ADRA1B: variants seen among roughly 807,000 people sequenced by gnomAD.
ADRA1B encodes adrenoceptor alpha 1B, also known as alpha-1B adrenergic receptor.
In ADRA1B, 17 loss-of-function variants were observed where a neutral mutation model predicts 17.9. The observed-to-expected ratio is 0.95, with a 90% CI of 0.65 to 1.42. The LOEUF is 1.42. ADRA1B is among the 40% of genes most tolerant of loss of function. The probability of loss-of-function intolerance (pLI) is 0.00; values close to 1 mark genes in which losing one functional copy is unlikely to be tolerated. For synonymous variants in ADRA1B, 366 were observed against 327.6 expected (o/e 1.12, Z -1.27); for missense variants, 681 against 722.1 (o/e 0.94, Z 0.65).
intron 1 of ADRA1B, among the ~76,000 whole-genome samples, chr5:159,895,877 G>T (rs1226034705): frequency 6.6e-6 from 1 of 152,232 alleles, no homozygotes; most frequent in Non-Finnish European, 1.5e-5. Context: ...AGCACTTTGG[G>T]ATGCCAAGGT....
chr5:159,897,924 G>A (rs1489266681), intron 1 of ADRA1B, among the ~76,000 whole-genome samples: 1 of 152,236 alleles, frequency 6.6e-6, no homozygotes, highest in African/African-American at 2.4e-5. Context: ...GAACAGAAAT[G>A]TTCCTGCCAG....
chr5:159,958,756 G>A (rs1230169305), intron 1 of ADRA1B, among the ~76,000 whole-genome samples: 1 of 152,218 alleles, frequency 6.6e-6, no homozygotes, highest in African/African-American at 2.4e-5. Context: ...AGCAATCTAT[G>A]TATCTTCACT....
intron 1 of ADRA1B, among the ~76,000 whole-genome samples, chr5:159,939,172 A>G (rs975630942): frequency 1.8e-4 from 28 of 151,688 alleles, no homozygotes; most frequent in Non-Finnish European, 2.9e-4. Context: ...ATAAACATAG[A>G]ACTCAGAGCT....
At chr5:159,952,747 T>C (rs1410444054) in intron 1 of ADRA1B, among the ~76,000 whole-genome samples, 1 of 152,242 alleles carries the variant, frequency 6.6e-6, no homozygotes, top group Non-Finnish European at 1.5e-5. Flanking sequence ...CTACTCTTAT[T>C]GTCATTGTTA....
At chr5:159,873,213 G>A (rs1355550259) in intron 1 of ADRA1B, among the ~76,000 whole-genome samples, 3 of 152,148 alleles carry the variant, frequency 2.0e-5, no homozygotes, top group Non-Finnish European at 2.9e-5. Flanking sequence ...CCTTGGTATT[G>A]TAAATAGTGC....
intron 1 of ADRA1B, among the ~76,000 whole-genome samples, chr5:159,907,255 A>G (rs1754172312): frequency 6.6e-6 from 1 of 152,020 alleles, no homozygotes; most frequent in South Asian, 2.1e-4. Flanking sequence ...TTGATCTCCA[A>G]CCTCACTGTG....
intron 1 of ADRA1B, among the ~76,000 whole-genome samples, chr5:159,921,974 A>T (rs893611691): frequency 1.3e-5 from 2 of 152,250 alleles, no homozygotes; most frequent in African/African-American, 4.8e-5. Context: ...GCAAGGGGGA[A>T]GTTTTTACAC....
At position 159,972,281 on chromosome 5, in the gene ADRA1B, G is replaced by T; in HGVS notation, c.1352G>T (p.Gly451Val). 7.3e-7 allele frequency: 1 copy of T among 1,372,718 alleles called. No homozygotes were observed. 85.0% of individuals were successfully genotyped at this position (1,372,718 alleles called of 1,614,324 possible). A position where few individuals can be genotyped will look rare whatever the true frequency, so the allele number is the denominator to read the frequency against. ...LCAFPEWKAP[G>V]ALLSLPAPEP... is the part of the protein sequence containing the mutation. ...GCCTTCCCCGAGTGGAAGGCGCCCGGCGCCCTCCTGAGCCTGCCCGCGCCT... is the reference window on the plus strand; with the variant it reads ...GCCTTCCCCGAGTGGAAGGCGCCCGTCGCCCTCCTGAGCCTGCCCGCGCCT... The change falls in exon 2 of 2, where the codon GGC (glycine) becomes GTC (valine). Residue 451 changes from glycine to valine, a missense_variant. Gly to Val is a moderately radical substitution (Grantham distance 109, BLOSUM62 -3). Transcript: ENST00000306675.
intron 1 of ADRA1B, chr5:159,947,699 G>A: frequency 1.0e-6 from 1 of 985,344 alleles, no homozygotes; most frequent in Non-Finnish European, 1.2e-6. Flanking sequence ...GAAAGCAAAG[G>A]CTCTTTAAGC....
intron 1 of ADRA1B, among the ~76,000 whole-genome samples, chr5:159,941,229 C>T (rs1328190190): frequency 2.6e-5 from 4 of 152,202 alleles, no homozygotes; most frequent in Non-Finnish European, 1.5e-5. Context: ...AAGTGTTAAA[C>T]AGCTACGTGT....
At chr5:159,889,719 G>T (rs185133107) in intron 1 of ADRA1B, among the ~76,000 whole-genome samples, 2 of 152,290 alleles carry the variant, frequency 1.3e-5, no homozygotes, top group African/African-American at 4.8e-5. Flanking sequence ...TACTAAACAG[G>T]TTCTGTCATG....
chr5:159,944,643 G>A (rs1755220221), intron 1 of ADRA1B, among the ~76,000 whole-genome samples: 1 of 152,088 alleles, frequency 6.6e-6, no homozygotes, highest in African/African-American at 2.4e-5. Context: ...TTTACCATGT[G>A]CCAGGCACTG....
chr5:159,971,741 A>G, intron 1 of ADRA1B, 138 bp from the exon 2 acceptor site: 1 of 855,810 alleles, frequency 1.2e-6, no homozygotes, highest in Non-Finnish European at 1.6e-6. Context: ...TTCCGGGCAG[A>G]GGAACCGGCT....
intron 1 of ADRA1B, among the ~76,000 whole-genome samples, chr5:159,871,607 G>T (rs1363098957): frequency 1.3e-5 from 2 of 151,654 alleles, no homozygotes; most frequent in South Asian, 4.2e-4. Context: ...TGAGCTTAGG[G>T]CCCACCCTAA....
intron 1 of ADRA1B, among the ~76,000 whole-genome samples, chr5:159,946,036 C>A (rs55730478): frequency 1.3e-5 from 2 of 152,188 alleles, no homozygotes; most frequent in South Asian, 4.2e-4. Context: ...CGTGAGCCAC[C>A]GCGCCCAGCC....
At chr5:159,915,088 C>T (rs78123327), upstream of ADRA1B, among the ~76,000 whole-genome samples, 1,715 of 152,288 alleles carry the variant, frequency 0.011, 37 homozygotes, top group African/African-American at 0.039. Flanking sequence ...AGTCCCTGCC[C>T]AGCACCAGTG....
At chr5:159,930,137 T>C (rs1178898894) in intron 1 of ADRA1B, among the ~76,000 whole-genome samples, 3 of 152,240 alleles carry the variant, frequency 2.0e-5, no homozygotes, top group Admixed American at 6.5e-5. Flanking sequence ...TCCCAGTTGA[T>C]TGACATTTAG....
intron 1 of ADRA1B, among the ~76,000 whole-genome samples, chr5:159,920,206 A>G (rs896116531): frequency 6.6e-6 from 1 of 151,988 alleles, no homozygotes; most frequent in Non-Finnish European, 1.5e-5. Flanking sequence ...CTGGCCAGAA[A>G]ATTTCTCAGT....
chr5:159,969,650 C>A (rs1755833313), intron 1 of ADRA1B, among the ~76,000 whole-genome samples: 1 of 152,164 alleles, frequency 6.6e-6, no homozygotes, highest in South Asian at 2.1e-4. Flanking sequence ...ATCCCAAAGA[C>A]CAGGCCCTTG....
Sources: allele counts gnomAD v4.1 joint callset (sites outside exome capture counted in the v4.1 genomes callset), GRCh38; gene constraint gnomAD v4.1.1; transcripts MANE v1.5; gene names NCBI Gene and HGNC (gene_info 2026-07-23, HGNC 2026-07-21).